The following SLC12A6 variants were observed in gnomAD, a reference collection of about 807,000 sequenced individuals.
SLC12A6 encodes K-Cl cotransporter 3.
Under a neutral mutation model 135.3 loss-of-function variants are expected in SLC12A6, and 66 were observed. The observed-to-expected ratio is 0.49, with a 90% CI of 0.40 to 0.60. The LOEUF (loss-of-function observed/expected upper bound fraction) is 0.60, where lower values mean the gene tolerates loss of function less well. Ranked by LOEUF, SLC12A6 falls within the 20% of genes least tolerant of loss-of-function variation. The probability of loss-of-function intolerance (pLI) is 0.00; values close to 1 mark genes in which losing one functional copy is unlikely to be tolerated. For missense variants in SLC12A6, 1,058 were observed against 1,452.3 expected (o/e 0.73, Z 4.41); for synonymous variants, 513 against 508.8 (o/e 1.01, Z -0.11).
At chr15:34,261,868 G>T (rs1169818492) in intron 3 of SLC12A6, among the ~76,000 whole-genome samples, 1 of 152,200 alleles carries the variant, frequency 6.6e-6, no homozygotes, top group African/African-American at 2.4e-5. Flanking sequence ...ATGTTGGCAA[G>T]GCTGTGGAGA....
At chr15:34,284,586 A>T (rs971712976) in intron 2 of SLC12A6, among the ~76,000 whole-genome samples, 8 of 151,964 alleles carry the variant, frequency 5.3e-5, no homozygotes, top group Admixed American at 2.0e-4. Flanking sequence ...TTACTTTGAG[A>T]TCTGTAGCTC....
rs908161056 is a variant in SLC12A6, at chr15:34,245,520, T to C, written c.1825-117A>G. ...ACAGTGTTACAACTGTGATACCTTT[T>C]AAATACCTTTACAGCACTCACAGGT... On this transcript the variant is annotated intron_variant, in intron 14 of 25. Transcript: ENST00000354181. 4.5e-6 allele frequency: 4 copies of C among 888,860 alleles called. No individual in the cohort carries two copies. The African/African-American group carries it at 4.9e-5, about 11-fold the overall frequency. The allele number at this position is 888,860 out of a possible 1,614,324, so 55.1% of individuals were successfully genotyped here. A position where few individuals can be genotyped will look rare whatever the true frequency, so the allele number is the denominator to read the frequency against.
At chr15:34,333,225 T>TC (rs1889973163) in intron 2 of SLC12A6, among the ~76,000 whole-genome samples, 1 of 150,082 alleles carries the variant, frequency 6.7e-6, no homozygotes, top group African/African-American at 2.5e-5. Context: ...TATTTTTTTT[T>TC]CTTTTTCTTT....
chr15:34,324,162 A>C (rs1889310064), intron 2 of SLC12A6, among the ~76,000 whole-genome samples: 1 of 152,206 alleles, frequency 6.6e-6, no homozygotes, highest in African/African-American at 2.4e-5. Flanking sequence ...CTTTATTCAT[A>C]AAAACCCAAG....
chr15:34,260,142 A>G (rs1893015336), intron 4 of SLC12A6, among the ~76,000 whole-genome samples: 1 of 152,236 alleles, frequency 6.6e-6, no homozygotes, highest in South Asian at 2.1e-4. Context: ...GCTTGATTTA[A>G]TCATTCCACA....
chr15:34,273,987 C>G (rs1894131584), intron 3 of SLC12A6, among the ~76,000 whole-genome samples: 2 of 151,962 alleles, frequency 1.3e-5, no homozygotes, highest in African/African-American at 4.8e-5. Context: ...AGGAATTCCA[C>G]TGTTAGGAAT....
At chr15:34,237,287 G>T (rs201971420) in intron 22 of SLC12A6, 132 bp downstream of exon 22, 515 of 556,002 alleles carry the variant, frequency 9.3e-4, no homozygotes, top group Non-Finnish European at 1.2e-3. Context: ...GTTTTTTTTT[G>T]TTTTTTTTTT....
intron 16 of SLC12A6, among the ~76,000 whole-genome samples, chr15:34,242,759 G>A (rs1374890232): frequency 2.6e-5 from 4 of 152,172 alleles, no homozygotes; most frequent in Admixed American, 6.5e-5. Context: ...GGCCGGATGC[G>A]GTGGCTCACA....
chr15:34,256,495 C>T (rs1344716625), intron 6 of SLC12A6, among the ~76,000 whole-genome samples: 1 of 152,144 alleles, frequency 6.6e-6, no homozygotes, highest in Non-Finnish European at 1.5e-5. Context: ...TCAAAATGCT[C>T]CCACATCAGT....
intron 22 of SLC12A6, chr15:34,237,096 T>G (rs1032895076): frequency 2.1e-5 from 10 of 477,540 alleles, no homozygotes; most frequent in Non-Finnish European, 3.4e-5. Flanking sequence ...ACTGTTAGGT[T>G]TTTTTTAAAA....
At chr15:34,237,315 C>A in intron 22 of SLC12A6, 104 bp downstream of exon 22, 6 of 955,352 alleles carry the variant, frequency 6.3e-6, no homozygotes, top group African/African-American at 1.7e-5. Context: ...GGGGATTAAT[C>A]CACATTTAGA....
intron 2 of SLC12A6, among the ~76,000 whole-genome samples, chr15:34,316,595 C>T (rs8025075): frequency 0.039 from 5,979 of 152,218 alleles, 219 homozygotes; most frequent in African/African-American, 0.099. Context: ...GCTTATTAAA[C>T]TCAATTTAGA....
At chr15:34,243,846 A>C in intron 16 of SLC12A6, 128 bp downstream of exon 16, 1 of 716,526 alleles carries the variant, frequency 1.4e-6, no homozygotes, top group Non-Finnish European at 2.5e-6. Flanking sequence ...AAGAATTGAA[A>C]GTTGAAACAG....
Position 34,278,213 on chromosome 15 carries a change from G to A in SLC12A6, c.272-2824C>T, listed in dbSNP as rs138015616. ...AGGCCGAGGCGGGTGGATCACCTGAGGTCAGGAGTTCGAGACCAGCCTGAC... is the reference window on the plus strand; with the variant it reads ...AGGCCGAGGCGGGTGGATCACCTGAAGTCAGGAGTTCGAGACCAGCCTGAC... On this transcript the variant is annotated intron_variant, in intron 2 of 25. Transcript: ENST00000354181. 4.2e-3 allele frequency among the ~76,000 whole-genome samples: 640 copies of A among 152,196 alleles called. 3 individuals carry two copies. The highest frequency in any genetic ancestry group is 7.4e-3 in the Non-Finnish European group (501 of 68,010).
chr15:34,309,342 T>C (rs1456257252), intron 2 of SLC12A6, among the ~76,000 whole-genome samples: 1 of 152,144 alleles, frequency 6.6e-6, no homozygotes, highest in African/African-American at 2.4e-5. Flanking sequence ...ACTTAATATA[T>C]TTTTATATTC....
chr15:34,320,117 G>A (rs1197929302), intron 2 of SLC12A6, among the ~76,000 whole-genome samples: 1 of 152,176 alleles, frequency 6.6e-6, no homozygotes, highest in Non-Finnish European at 1.5e-5. Flanking sequence ...TATTGGGAAT[G>A]CCTTCCATCT....
intron 17 of SLC12A6, among the ~76,000 whole-genome samples, 188 bp downstream of exon 17, chr15:34,241,914 C>T (rs1891671482): frequency 1.3e-5 from 2 of 152,178 alleles, no homozygotes; most frequent in South Asian, 2.1e-4. Flanking sequence ...TCCATTCATA[C>T]TTTCTCAATG....
intron 13 of SLC12A6, among the ~76,000 whole-genome samples, chr15:34,246,071 C>A (rs1159928321): frequency 1.3e-5 from 2 of 152,036 alleles, no homozygotes; most frequent in African/African-American, 4.8e-5. Flanking sequence ...CATCTGAGAT[C>A]ACAGGTGTGC....
At chr15:34,332,391 C>T (rs1011052031) in intron 2 of SLC12A6, among the ~76,000 whole-genome samples, 4 of 152,178 alleles carry the variant, frequency 2.6e-5, no homozygotes, top group African/African-American at 9.7e-5. Flanking sequence ...AAGGTAGAAA[C>T]TATATGTTAC....
Sources: allele counts gnomAD v4.1 joint callset (sites outside exome capture counted in the v4.1 genomes callset), GRCh38; gene constraint gnomAD v4.1.1; transcripts MANE v1.5; gene names NCBI Gene and HGNC (gene_info 2026-07-23, HGNC 2026-07-21).